WDR25: variants seen among roughly 807,000 people sequenced by gnomAD.
The protein encoded by WDR25 is WD repeat-containing protein 25.
A neutral mutation model predicts 47.7 loss-of-function variants in WDR25; 35 were observed. That is an observed-to-expected ratio of 0.73 (90% CI 0.56 to 0.97). The LOEUF (loss-of-function observed/expected upper bound fraction) is 0.97, where lower values mean the gene tolerates loss of function less well. WDR25 is among the 50% of genes least tolerant of loss of function. The pLI is 0.00. For synonymous variants in WDR25, 248 were observed against 278.9 expected (o/e 0.89, Z 1.10); for missense variants, 634 against 704.7 (o/e 0.90, Z 1.14).
chr14:100,442,410 C>T (rs1196975116), intron 2 of WDR25, among the ~76,000 whole-genome samples: 1 of 152,168 alleles, frequency 6.6e-6, no homozygotes, highest in African/African-American at 2.4e-5. Flanking sequence ...AAAAAGATCA[C>T]ACATCTAGCA....
chr14:100,451,429 A>T (rs934591372), intron 2 of WDR25, among the ~76,000 whole-genome samples: 1 of 152,206 alleles, frequency 6.6e-6, no homozygotes, highest in African/African-American at 2.4e-5. Context: ...ATGTTGCCCC[A>T]GGCTGGTCTC....
chr14:100,412,305 A>G (rs774142636), intron 2 of WDR25, among the ~76,000 whole-genome samples: 36 of 151,972 alleles, frequency 2.4e-4, no homozygotes, highest in Non-Finnish European at 4.0e-4. Context: ...AGATGAAGGA[A>G]ATGGTGCACG....
At chr14:100,510,052 C>T (rs1159049792) in intron 4 of WDR25, among the ~76,000 whole-genome samples, 3 of 151,856 alleles carry the variant, frequency 2.0e-5, no homozygotes, top group African/African-American at 4.8e-5. Flanking sequence ...GGGTGGATCA[C>T]TTGAGGTCAG....
intron 2 of WDR25, among the ~76,000 whole-genome samples, chr14:100,417,602 A>C (rs1370983209): frequency 6.6e-6 from 1 of 152,170 alleles, no homozygotes; most frequent in African/African-American, 2.4e-5. Context: ...GAGCTGCCTG[A>C]GCATTACCTC....
In WDR25 at chr14:100,502,668, A is replaced by T. The variant is rs536735471; in HGVS notation, c.1101+18544A>T. Among the ~76,000 whole-genome samples, 56 of 152,318 alleles carry T rather than the reference A, an allele frequency of 3.7e-4. 1 individual carries two copies. The South Asian group carries it at 0.011, about 29-fold the overall frequency. The stretch of plus-strand genomic sequence containing the variant: ...GGGGGAACATGAGGTCCCTCCCTGC[A>T]TGGCGAGGGGAGGAGTCAGTCTCCA... On this transcript the variant is annotated intron_variant, in intron 4 of 6. Transcript: ENST00000402312. The surrounding 1 kb of genome is among the most constrained non-coding windows in gnomAD (Gnocchi z 4.5).
Position 100,530,058 on chromosome 14 carries a change from C to G in WDR25, c.*17C>G. ...TGGCACTGAGCTTTTTGTCACTGAACCTTCCCGATGCCAGCTGGGCTCTTG... is the reference window on the plus strand; with the variant it reads ...TGGCACTGAGCTTTTTGTCACTGAAGCTTCCCGATGCCAGCTGGGCTCTTG... On this transcript the variant is annotated 3_prime_UTR_variant, in exon 7 of 7. Coordinates refer to ENST00000402312, the MANE Select transcript of WDR25 (RefSeq NM_001161476.3). 6.3e-7 allele frequency: 1 copy of G among 1,599,138 alleles called. No individual in the cohort carries two copies. The highest frequency in any genetic ancestry group is 8.5e-7 in the Non-Finnish European group (1 of 1,170,714).
At chr14:100,398,250 T>C (rs1278757586) in intron 2 of WDR25, among the ~76,000 whole-genome samples, 1 of 152,200 alleles carries the variant, frequency 6.6e-6, no homozygotes, top group African/African-American at 2.4e-5. Context: ...TGCAGAGGCA[T>C]GTCACTCCTT....
intron 2 of WDR25, among the ~76,000 whole-genome samples, chr14:100,401,604 GGTAGTAAGAGAATTA>G (rs1897384599): frequency 6.6e-6 from 1 of 152,172 alleles, no homozygotes; most frequent in African/African-American, 2.4e-5. Context: ...AGGTTCTGGT[GGTAGTAAGAGAATTA>G]CAGAGAGAAT....
At position 100,496,828 on chromosome 14, in the gene WDR25, C is replaced by CTTTTT. The variant is rs1226765543; in HGVS notation, c.1101+12724_1101+12728dup. ...TTTCTTTTTCTTTTTTTCTTTAATTCTTTTTTTTTTTTTTTTTTTTTTTTG... is the reference window on the plus strand; with the variant it reads ...TTTCTTTTTCTTTTTTTCTTTAATTCTTTTTTTTTTTTTTTTTTTTTTTTTTTTTG... On this transcript the variant is annotated intron_variant, in intron 4 of 6. Transcript: ENST00000402312. Among the ~76,000 whole-genome samples, 407 of 73,408 alleles carry CTTTTT rather than the reference C, an allele frequency of 5.5e-3. 6 individuals carry two copies. Among genetic ancestry groups the CTTTTT allele is most frequent in the Middle Eastern group, 0.017 (1 of 58 alleles). 48.2% of individuals were successfully genotyped at this position (73,408 alleles called of 152,430 possible).
intron 4 of WDR25, among the ~76,000 whole-genome samples, chr14:100,516,674 A>G (rs1044200175): frequency 3.9e-5 from 6 of 152,116 alleles, no homozygotes; most frequent in African/African-American, 1.4e-4. Flanking sequence ...TGCTATTAAT[A>G]TGGTCACTTC....
chr14:100,478,112 AC>A (rs1232865990), intron 3 of WDR25, among the ~76,000 whole-genome samples: 43 of 68,030 alleles, frequency 6.3e-4, no homozygotes, highest in African/African-American at 2.4e-3. Context: ...ACAAAACAAA[AC>A]AAAAACAAAC....
intron 2 of WDR25, 125 bp downstream of exon 2, chr14:100,381,871 T>C: frequency 1.2e-6 from 1 of 815,252 alleles, no homozygotes; most frequent in South Asian, 1.8e-5. Context: ...TAATTCCCTT[T>C]GTTGCATTCC....
chr14:100,408,934 A>G (rs994475768), intron 2 of WDR25, among the ~76,000 whole-genome samples: 1 of 152,220 alleles, frequency 6.6e-6, no homozygotes, highest in African/African-American at 2.4e-5. Flanking sequence ...TTTCCATTAC[A>G]GTGTTATTAG....
At chr14:100,495,758 T>C (rs1439300674) in intron 4 of WDR25, among the ~76,000 whole-genome samples, 2 of 152,234 alleles carry the variant, frequency 1.3e-5, no homozygotes, top group African/African-American at 4.8e-5. Flanking sequence ...GACAGAGTTT[T>C]GATTTATAAG....
intron 2 of WDR25, among the ~76,000 whole-genome samples, chr14:100,422,299 G>A (rs1898048923): frequency 6.6e-6 from 1 of 152,146 alleles, no homozygotes; most frequent in Admixed American, 6.5e-5. Flanking sequence ...TGTGGTCTGG[G>A]CTTCCTCATC....
At chr14:100,522,705 T>C (rs758923173) in intron 4 of WDR25, among the ~76,000 whole-genome samples, 14 of 152,204 alleles carry the variant, frequency 9.2e-5, no homozygotes, top group Non-Finnish European at 1.8e-4. Flanking sequence ...TTTACAGATA[T>C]GGAGACTGAA....
chr14:100,470,598 G>A (rs560314169), intron 3 of WDR25, among the ~76,000 whole-genome samples: 1 of 152,194 alleles, frequency 6.6e-6, no homozygotes, highest in Non-Finnish European at 1.5e-5. Context: ...AGCAGCTGGC[G>A]GGCAGAGGCC....
chr14:100,426,581 G>A (rs375796104), intron 2 of WDR25, among the ~76,000 whole-genome samples: 67 of 152,316 alleles, frequency 4.4e-4, no homozygotes, highest in African/African-American at 1.5e-3. Context: ...ATTGGAAGGC[G>A]GATTAGAGCC....
chr14:100,472,465 A>C (rs1899873171), intron 3 of WDR25, among the ~76,000 whole-genome samples: 1 of 152,246 alleles, frequency 6.6e-6, no homozygotes, highest in African/African-American at 2.4e-5. Context: ...GTGATAACAC[A>C]TATAGGGTGC....
Sources: allele counts gnomAD v4.1 joint callset (sites outside exome capture counted in the v4.1 genomes callset), GRCh38; gene constraint gnomAD v4.1.1; non-coding constraint Gnocchi (gnomAD v3.1); transcripts MANE v1.5; gene names NCBI Gene and HGNC (gene_info 2026-07-23, HGNC 2026-07-21).